Variants in PADI1 observed in about 807,000 individuals in gnomAD.
The protein encoded by PADI1 is protein-arginine deiminase type-1.
A neutral mutation model predicts 74.8 loss-of-function variants in PADI1; 65 were observed. The observed-to-expected ratio is 0.87, with a 90% CI of 0.71 to 1.07. The LOEUF (loss-of-function observed/expected upper bound fraction) is 1.07, where lower values mean the gene tolerates loss of function less well. Among genes scored for constraint, PADI1 ranks in the 50% least tolerant of loss-of-function variants. PADI1 has a pLI of 0.00. For missense variants in PADI1, 943 were observed against 854.0 expected, an observed-to-expected ratio of 1.10 and a Z score of -1.30; for synonymous variants, 371 against 336.2, an observed-to-expected ratio of 1.10 and a Z score of -1.13.
In PADI1 at chr1:17,205,237, T is replaced by A. The variant is rs748526926; in HGVS notation, c.20T>A (p.Val7Glu). 3.8e-5 allele frequency: 61 copies of A among 1,613,870 alleles called. No homozygotes were observed. Among genetic ancestry groups the A allele is most frequent in the Non-Finnish European group, 8.5e-7 (1 of 1,179,950 alleles). ...GACAGGATGGCCCCAAAGAGAGTTG[T>A]GCAGCTGTCCCTGAAGATGCCTACC... MAPKRV[V>E]QLSLKMPTHA... is the part of the protein sequence containing the mutation. The change falls in exon 1 of 16, where the codon GTG (valine) becomes GAG (glutamate). Residue 7 changes from valine (V) to glutamate (E), a missense_variant. Physicochemically the swap from Val to Glu is moderately radical, Grantham distance 121 (BLOSUM62 -2). Transcript: ENST00000375471.
In PADI1 at chr1:17,245,183, A is replaced by C. The variant is rs758262724; in HGVS notation, c.*940A>C. The C allele has an allele frequency of 6.6e-6, 1 of 152,548 alleles. No individual in the cohort carries two copies. Among genetic ancestry groups the C allele is most frequent in the African/African-American group, 2.4e-5 (1 of 41,380 alleles). The allele number at this position is 152,548 out of a possible 1,614,324, so 9.4% of individuals were successfully genotyped here. On this transcript the variant is annotated 3_prime_UTR_variant, in exon 16 of 16. Transcript: ENST00000375471. This position sits in a 1 kb window ranked among gnomAD's most constrained non-coding sequence, Gnocchi z 4.1. ...GAAGAGGGTGTGTGTGTTGGGAGGAAATTAGGTTATCTCTGAAGGTGGAGT... is the reference window on the plus strand; with the variant it reads ...GAAGAGGGTGTGTGTGTTGGGAGGACATTAGGTTATCTCTGAAGGTGGAGT...
rs373199504 is a variant in PADI1 at position 17,238,567 on chromosome 1, G to A, written c.1459-49G>A. 4.0e-5 allele frequency: 44 copies of A among 1,106,272 alleles called. No individual in the cohort carries two copies. The African/African-American group carries it at 5.9e-4, about 15-fold the overall frequency. 68.5% of individuals were successfully genotyped at this position (1,106,272 alleles called of 1,614,324 possible). ...GAGTCCTGAGTCTGGGGTCTCCTGT[G>A]TCTAAGGGGACCCTGTCCACTGAGC... On this transcript the variant is annotated intron_variant, in intron 12 of 15. Coordinates refer to ENST00000375471, the MANE Select transcript of PADI1 (RefSeq NM_013358.3).
chr1:17,218,783 G>A (rs927724788), intron 1 of PADI1, among the ~76,000 whole-genome samples: 1 of 152,208 alleles, frequency 6.6e-6, no homozygotes, highest in African/African-American at 2.4e-5. Flanking sequence ...AAGGGGCAAG[G>A]CCAGTGATGC....
chr1:17,218,048 A>G (rs892123638), intron 1 of PADI1, among the ~76,000 whole-genome samples: 1 of 152,224 alleles, frequency 6.6e-6, no homozygotes, highest in African/African-American at 2.4e-5. Flanking sequence ...CGTGAATGCC[A>G]ACAAAAATAT....
chr1:17,221,783 G>A (rs757731729), intron 1 of PADI1, among the ~76,000 whole-genome samples: 21 of 152,210 alleles, frequency 1.4e-4, no homozygotes, highest in Non-Finnish European at 7.3e-5. Context: ...CAGTCAGCAA[G>A]GTGGCAGGGG....
rs116456352 is a variant in PADI1 at position 17,244,865 on chromosome 1, A to G, written c.*622A>G. ...GCCAATTTAAATAGAAAAAAAGACA[A>G]CAAAATTTTAATAGCTGACTCCGAC... On this transcript the variant is annotated 3_prime_UTR_variant, in exon 16 of 16. Transcript: ENST00000375471. 0.011 allele frequency: 1,879 copies of G among 169,002 alleles called. 39 individuals carry two copies. The highest frequency in any genetic ancestry group is 0.042 in the African/African-American group (1,745 of 41,746). 10.5% of individuals were successfully genotyped at this position (169,002 alleles called of 1,614,324 possible).
At chr1:17,217,655 T>A (rs1358639639) in intron 1 of PADI1, among the ~76,000 whole-genome samples, 1 of 152,234 alleles carries the variant, frequency 6.6e-6, no homozygotes, top group Non-Finnish European at 1.5e-5. Context: ...ATTTTACCAT[T>A]GTCCAGATAT....
At chr1:17,216,383 T>C (rs897100677) in intron 1 of PADI1, among the ~76,000 whole-genome samples, 2 of 151,910 alleles carry the variant, frequency 1.3e-5, no homozygotes, top group Admixed American at 1.3e-4. Flanking sequence ...GCAGTTGCTA[T>C]GAAGGTGGAG....
At chr1:17,240,192 G>C (rs2072744993) in intron 14 of PADI1, 1 of 250,212 alleles carries the variant, frequency 4.0e-6, no homozygotes, top group South Asian at 6.3e-5. Context: ...AAGGGGCAGG[G>C]CTCACCCCAA....
intron 11 of PADI1, 144 bp from the exon 12 acceptor site, chr1:17,237,169 TC>T (rs1269791714): frequency 1.2e-6 from 1 of 854,706 alleles, no homozygotes; most frequent in Non-Finnish European, 1.8e-6. Context: ...TTCTCTGCTG[TC>T]TTGGCTTCTC....
intron 10 of PADI1, among the ~76,000 whole-genome samples, chr1:17,231,772 T>C (rs1254961049): frequency 1.3e-5 from 2 of 151,694 alleles, no homozygotes; most frequent in Non-Finnish European, 2.9e-5. Context: ...ATTTTATTTA[T>C]ATGTATATAT....
At chr1:17,229,853 G>A (rs1475832236) in intron 8 of PADI1, among the ~76,000 whole-genome samples, 1 of 152,196 alleles carries the variant, frequency 6.6e-6, no homozygotes, top group East Asian at 1.9e-4. Flanking sequence ...TGGGTTAGGT[G>A]CCCTGCCTCT....
Position 17,230,167 on chromosome 1 carries a change from A to G in PADI1, c.1012A>G (p.Ile338Val), listed in dbSNP as rs1445478215. 3.1e-6 allele frequency: 5 copies of G among 1,614,052 alleles called. No homozygotes were observed. In the Admixed American group the frequency reaches 6.7e-5, roughly 22 times the overall value. ...LTLKANCKLT[I>V]CPQVENRNDR... ...ATTGAAAGCCAACTGCAAGCTGACC[A>G]TCTGCCCTCAAGTTGAAAATCGAAA... Residue 338 changes from isoleucine (I) to valine (V), a missense_variant, in exon 9 of 16, where the codon ATC (isoleucine) becomes GTC (valine). Ile to Val is a conservative substitution (Grantham distance 29). Coordinates refer to ENST00000375471, the MANE Select transcript of PADI1 (RefSeq NM_013358.3).
Position 17,245,793 on chromosome 1 carries a change from T to G in PADI1, c.*1550T>G, listed in dbSNP as rs947703991. 1 of 152,482 alleles carries G rather than the reference T, an allele frequency of 6.6e-6. No individual in the cohort carries two copies. Among genetic ancestry groups the G allele is most frequent in the African/African-American group, 2.4e-5 (1 of 41,390 alleles). 9.4% of individuals were successfully genotyped at this position (152,482 alleles called of 1,614,324 possible). Reference sequence around the variant, plus strand: ...GGAGGCTCTGAAGGGGCCGGGGGTGTGAGCTGGGGTTGGGACTCCCCTGAG... The same window carrying G: ...GGAGGCTCTGAAGGGGCCGGGGGTGGGAGCTGGGGTTGGGACTCCCCTGAG... On this transcript the variant is annotated 3_prime_UTR_variant, in exon 16 of 16. Coordinates refer to ENST00000375471, the MANE Select transcript of PADI1 (RefSeq NM_013358.3). The surrounding 1 kb of genome is among the most constrained non-coding windows in gnomAD (Gnocchi z 4.1).
At chr1:17,215,378 T>TTCATCATCATCATCATCATCA in intron 1 of PADI1, among the ~76,000 whole-genome samples, 1 of 148,444 alleles carries the variant, frequency 6.7e-6, no homozygotes. Flanking sequence ...TCCCCCTTCT[T>TTCATCATCATCATCATCATCA]TCATCATCAT....
At position 17,244,108 on chromosome 1, in the gene PADI1, G is replaced by C. The variant is rs762732609; in HGVS notation, c.1857G>C (p.Leu619=). ...RCCLEEKVQS[L]LEPLGLHCIF... Reference sequence around the variant, plus strand: ...GCCTGGAGGAGAAGGTGCAGTCCCTGCTGGAGCCTCTGGGCCTGCACTGCA... The same window carrying C: ...GCCTGGAGGAGAAGGTGCAGTCCCTCCTGGAGCCTCTGGGCCTGCACTGCA... The change falls in exon 16 of 16, where the codon CTG becomes CTC. Residue 619 remains leucine, a synonymous_variant. Coordinates refer to ENST00000375471, the MANE Select transcript of PADI1 (RefSeq NM_013358.3). The C allele has an allele frequency of 9.9e-6, 16 of 1,614,252 alleles. No homozygotes were observed. In the South Asian group the frequency reaches 1.8e-4, roughly 18 times the overall value.
At chr1:17,233,951 T>C (rs2072568034) in intron 11 of PADI1, among the ~76,000 whole-genome samples, 1 of 152,232 alleles carries the variant, frequency 6.6e-6, no homozygotes, top group Non-Finnish European at 1.5e-5. Flanking sequence ...GTGCTCACCC[T>C]GTTGGTGACT....
Position 17,231,954 on chromosome 1 carries a change from TTTG to T in PADI1, c.1162-864_1162-862del, listed in dbSNP as rs1353095985. On this transcript the variant is annotated intron_variant, in intron 10 of 15. Coordinates refer to ENST00000375471, the MANE Select transcript of PADI1 (RefSeq NM_013358.3). ...AAAAACACGTGTTTGTTTGTTTGTT[TTTG>T]AGAAGGAGTCTCACACTGTTGCCTG... 2.0e-5 allele frequency among the ~76,000 whole-genome samples: 3 copies of T among 149,070 alleles called. No homozygotes were observed. In the East Asian group the frequency reaches 5.9e-4, roughly 29 times the overall value.
intron 1 of PADI1, among the ~76,000 whole-genome samples, chr1:17,212,841 C>A (rs79048050): frequency 1.3e-5 from 2 of 152,146 alleles, no homozygotes; most frequent in Non-Finnish European, 2.9e-5. Context: ...AGATCACAGG[C>A]ACCACCCCCC....
Sources: allele counts gnomAD v4.1 joint callset (sites outside exome capture counted in the v4.1 genomes callset), GRCh38; gene constraint gnomAD v4.1.1; non-coding constraint Gnocchi (gnomAD v3.1); transcripts MANE v1.5; gene names NCBI Gene and HGNC (gene_info 2026-07-23, HGNC 2026-07-21).